UBXN2B: variants seen among roughly 807,000 people sequenced by gnomAD.
UBXN2B encodes UBX domain-containing protein 2B.
Under a neutral mutation model 37.5 loss-of-function variants are expected in UBXN2B, and 19 were observed. That is an observed-to-expected ratio of 0.51 (90% CI 0.35 to 0.74). The LOEUF (loss-of-function observed/expected upper bound fraction) is 0.74, where lower values mean the gene tolerates loss of function less well. Among genes scored for constraint, UBXN2B ranks in the 30% least tolerant of loss-of-function variants. UBXN2B has a pLI of 0.01. For synonymous variants in UBXN2B, 145 were observed against 143.8 expected, an observed-to-expected ratio of 1.01 and a Z score of -0.06; for missense variants, 370 against 393.2, an observed-to-expected ratio of 0.94 and a Z score of 0.50.
At chr8:58,426,283 T>G in intron 2 of UBXN2B, 3 of 503,790 alleles carry the variant, frequency 6.0e-6, no homozygotes, top group Non-Finnish European at 1.1e-5. Flanking sequence ...CTCGGCTCAC[T>G]GTAAGCTCCG....
At chr8:58,425,112 A>G in intron 2 of UBXN2B, 2 of 803,694 alleles carry the variant, frequency 2.5e-6, no homozygotes, top group Non-Finnish European at 4.5e-6. Flanking sequence ...GCCAGGTCCA[A>G]AAGTGGTATT....
chr8:58,426,039 C>A, intron 2 of UBXN2B: 1 of 1,396,806 alleles, frequency 7.2e-7, no homozygotes, highest in Non-Finnish European at 1.0e-6. Context: ...AACCACCTTT[C>A]AGAGGCAGGA....
chr8:58,428,070 G>C (rs1808149813), intron 2 of UBXN2B, among the ~76,000 whole-genome samples: 1 of 152,192 alleles, frequency 6.6e-6, no homozygotes, highest in Non-Finnish European at 1.5e-5. Flanking sequence ...TAATAACTGA[G>C]GGAAGTCTTT....
chr8:58,423,474 C>T lies in UBXN2B; in HGVS notation c.188+6521C>T, dbSNP rs149495694. ...TTTTTGACACGGAGTCTTGCACTGT[C>T]GCCCAGGCTGGAGTGTAGTGGCGAG... is the stretch of plus-strand genomic sequence containing the variant. On this transcript the variant is annotated intron_variant, in intron 2 of 7. Transcript: ENST00000399598. Among the ~76,000 whole-genome samples the T allele has an allele frequency of 1.0e-3, 148 of 148,684 alleles. 1 individual carries two copies. Among genetic ancestry groups the T allele is most frequent in the African/African-American group, 3.2e-3 (129 of 40,512 alleles).
At chr8:58,433,501 G>T (rs763900877) in intron 4 of UBXN2B, among the ~76,000 whole-genome samples, 5 of 151,712 alleles carry the variant, frequency 3.3e-5, no homozygotes, top group African/African-American at 1.2e-4. Context: ...GCAGCCAGGC[G>T]TGGTGACATG....
rs143228930 is a variant in UBXN2B at position 58,424,605 on chromosome 8, G to C, written c.189-5914G>C. On this transcript the variant is annotated intron_variant, in intron 2 of 7. Transcript: ENST00000399598. ...AGATTTTCTCATCTGAAACTCTTCT[G>C]CTGTTGCATCAGGCCCACGTTTTCA... 142 of 1,141,976 alleles carry C rather than the reference G, an allele frequency of 1.2e-4. 3 individuals carry two copies. In the African/African-American group the frequency reaches 1.9e-3, roughly 16 times the overall value. The allele number at this position is 1,141,976 out of a possible 1,614,324, so 70.7% of individuals were successfully genotyped here.
At chr8:58,433,441 T>TA (rs1431774726) in intron 4 of UBXN2B, among the ~76,000 whole-genome samples, 198 bp downstream of exon 4, 4 of 152,074 alleles carry the variant, frequency 2.6e-5, no homozygotes. Context: ...CACTTAGAGA[T>TA]ATGGAACTAT....
intron 2 of UBXN2B, among the ~76,000 whole-genome samples, chr8:58,430,139 T>C (rs966571176): frequency 2.0e-5 from 3 of 152,230 alleles, no homozygotes; most frequent in Admixed American, 1.3e-4. Flanking sequence ...CTACTGAGTG[T>C]GGCCTTCTTA....
At position 58,448,434 on chromosome 8, in the gene UBXN2B, A is replaced by G. The variant is rs1204079641; in HGVS notation, c.*883A>G. 6.6e-6 allele frequency: 1 copy of G among 152,244 alleles called. No homozygotes were observed. The highest frequency in any genetic ancestry group is 1.9e-4 in the East Asian group (1 of 5,194). 9.4% of individuals were successfully genotyped at this position (152,244 alleles called of 1,614,324 possible). A position where few individuals can be genotyped will look rare whatever the true frequency, so the allele number is the denominator to read the frequency against. ...GGTGATCCACCCACCTCAGCCTCCC[A>G]AAGTGCTGGGATTACAGGCATGAGC... On this transcript the variant is annotated 3_prime_UTR_variant, in exon 8 of 8. Coordinates refer to ENST00000399598, the MANE Select transcript of UBXN2B (RefSeq NM_001077619.2).
In UBXN2B at chr8:58,447,374, G is replaced by C; in HGVS notation, c.834-15G>C. On this transcript the variant is annotated splice_polypyrimidine_tract_variant and intron_variant, in intron 7 of 7. Coordinates refer to ENST00000399598, the MANE Select transcript of UBXN2B (RefSeq NM_001077619.2). The stretch of plus-strand genomic sequence containing the variant: ...ATTTTTTATATTACAAATTATTTTT[G>C]TCTTATTTCTTCAGGATCCTGGATG... The C allele has an allele frequency of 6.5e-6, 10 of 1,534,902 alleles. No homozygotes were observed. The highest frequency in any genetic ancestry group is 8.8e-6 in the Non-Finnish European group (10 of 1,139,292).
At position 58,411,394 on chromosome 8, in the gene UBXN2B, G is replaced by A; in HGVS notation, c.9G>A (p.Glu3=). MA[E]GGGPEPGEQE... ...CCGCTAGCCAGCGGAAGATGGCGGA[G>A]GGCGGAGGCCCTGAGCCCGGCGAGC... is the stretch of plus-strand genomic sequence containing the variant. Residue 3 remains glutamate, a synonymous_variant, in exon 1 of 8, where the codon GAG becomes GAA. Coordinates refer to ENST00000399598, the MANE Select transcript of UBXN2B (RefSeq NM_001077619.2). 2 of 1,269,576 alleles carry A rather than the reference G, an allele frequency of 1.6e-6. No homozygotes were observed. The highest frequency in any genetic ancestry group is 2.0e-6 in the Non-Finnish European group (2 of 1,003,500). The allele number at this position is 1,269,576 out of a possible 1,614,324, so 78.6% of individuals were successfully genotyped here.
intron 5 of UBXN2B, among the ~76,000 whole-genome samples, chr8:58,436,798 G>A (rs939964419): frequency 6.6e-6 from 1 of 152,172 alleles, no homozygotes; most frequent in Admixed American, 6.5e-5. Flanking sequence ...TACCATGATT[G>A]TAAGTTCCCT....
chr8:58,441,375 GTATA>G (rs1269464190), intron 6 of UBXN2B, among the ~76,000 whole-genome samples: 1 of 84,028 alleles, frequency 1.2e-5, no homozygotes, highest in South Asian at 3.7e-4. Flanking sequence ...ATATGTATGT[GTATA>G]TATATGTATG....
intron 6 of UBXN2B, among the ~76,000 whole-genome samples, chr8:58,443,180 G>A (rs1808591424): frequency 6.6e-6 from 1 of 152,078 alleles, no homozygotes; most frequent in Non-Finnish European, 1.5e-5. Context: ...TTTGCTTCCA[G>A]CTTCATTGAG....
At chr8:58,441,681 G>A (rs542800211) in intron 6 of UBXN2B, among the ~76,000 whole-genome samples, 13 of 152,048 alleles carry the variant, frequency 8.5e-5, no homozygotes, top group African/African-American at 2.2e-4. Flanking sequence ...TGAAAATAAC[G>A]ATATTATCTG....
At chr8:58,425,587 A>G (rs1808061857) in intron 2 of UBXN2B, 2 of 1,057,338 alleles carry the variant, frequency 1.9e-6, no homozygotes, top group Non-Finnish European at 2.9e-6. Flanking sequence ...TCGGCCGTAG[A>G]GAAGTATGCA....
Position 58,439,808 on chromosome 8 carries a change from C to T in UBXN2B, c.671+38C>T, listed in dbSNP as rs1563466632. The T allele has an allele frequency of 3.8e-6, 6 of 1,559,272 alleles. No individual in the cohort carries two copies. The East Asian group carries it at 1.1e-4, about 30-fold the overall frequency. On this transcript the variant is annotated intron_variant, in intron 6 of 7. Transcript: ENST00000399598. ...AAATGAGAAAAATACCTTTGTTGAA[C>T]ATGAATTTTTCTTTGAGAATAAGAA...
intron 3 of UBXN2B, among the ~76,000 whole-genome samples, chr8:58,431,979 A>G (rs193222767): frequency 6.2e-4 from 94 of 152,260 alleles, no homozygotes; most frequent in African/African-American, 2.3e-3. Flanking sequence ...GTATATTTTA[A>G]TAGGTATGGG....
chr8:58,424,020 A>G (rs1267680965), intron 2 of UBXN2B, among the ~76,000 whole-genome samples: 1 of 152,066 alleles, frequency 6.6e-6, no homozygotes, highest in African/African-American at 2.4e-5. Context: ...AAGGTAGACC[A>G]GTCAGCTTCT....
Sources: allele counts gnomAD v4.1 joint callset (sites outside exome capture counted in the v4.1 genomes callset), GRCh38; gene constraint gnomAD v4.1.1; transcripts MANE v1.5; gene names NCBI Gene and HGNC (gene_info 2026-07-23, HGNC 2026-07-21).